The following TLE1 variants were observed in gnomAD, a reference collection of about 807,000 sequenced individuals.
TLE1 encodes the protein TLE family member 1, transcriptional corepressor, also known as transducin-like enhancer protein 1.
A neutral mutation model predicts 89.8 loss-of-function variants in TLE1; 21 were observed. The observed-to-expected ratio is 0.23, with a 90% CI of 0.17 to 0.34. TLE1 has a LOEUF of 0.34. Among genes scored for constraint, TLE1 ranks in the 10% least tolerant of loss-of-function variants. TLE1 has a pLI of 1.00. For missense variants in TLE1, 795 were observed against 1,031.2 expected (o/e 0.77, Z 3.14); for synonymous variants, 447 against 407.6 (o/e 1.10, Z -1.16).
At chr9:81,616,748 T>A (rs751973708) in intron 9 of TLE1, 49 bp from the exon 10 acceptor site, 5 of 1,604,758 alleles carry the variant, frequency 3.1e-6, no homozygotes, top group Non-Finnish European at 4.3e-6. Context: ...AAGAATAGGT[T>A]TGAGGCACAG....
At position 81,653,963 on chromosome 9, in the gene TLE1, A is replaced by G. The variant is rs2796447; in HGVS notation, c.297+11T>C. 340,279 of 1,612,254 alleles carry G rather than the reference A, an allele frequency of 0.21. 41,191 individuals are homozygous for G. The highest frequency in any genetic ancestry group is 0.46 in the East Asian group (20,417 of 44,824). ...ATAATTGCACTTTAACAGCTGAACA[A>G]TTTTACTTACTTCCTGAGACAGAAA... On this transcript the variant is annotated intron_variant, in intron 5 of 19. Coordinates refer to ENST00000376499, the MANE Select transcript of TLE1 (RefSeq NM_005077.5).
At chr9:81,621,616 T>C (rs545408793) in intron 8 of TLE1, among the ~76,000 whole-genome samples, 1 of 152,296 alleles carries the variant, frequency 6.6e-6, no homozygotes, top group South Asian at 2.1e-4. Flanking sequence ...TACCTTTAAG[T>C]TAGACCACAT....
At chr9:81,678,493 A>G (rs1177245308) in intron 4 of TLE1, among the ~76,000 whole-genome samples, 1 of 152,166 alleles carries the variant, frequency 6.6e-6, no homozygotes, top group Non-Finnish European at 1.5e-5. Context: ...CATGAGCCAC[A>G]TGCCTGGCTT....
In TLE1 at chr9:81,618,166, T is replaced by C. The variant is rs537949309; in HGVS notation, c.712-1467A>G. On this transcript the variant is annotated intron_variant, in intron 9 of 19. Transcript: ENST00000376499. ...TAATACATTATACAATGTAGGCATA[T>C]GGAAAAAGCAGGACATCTCAATGGT... is the stretch of plus-strand genomic sequence containing the variant. Among the ~76,000 whole-genome samples, 7 of 152,298 alleles carry C rather than the reference T, an allele frequency of 4.6e-5. No homozygotes were observed. The South Asian group carries it at 1.2e-3, about 27-fold the overall frequency.
intron 4 of TLE1, among the ~76,000 whole-genome samples, chr9:81,672,087 G>GA (rs1190780913): frequency 6.6e-6 from 1 of 152,186 alleles, no homozygotes; most frequent in African/African-American, 2.4e-5. Flanking sequence ...AAGCTAAGCA[G>GA]AAAGAGCCAT....
intron 15 of TLE1, among the ~76,000 whole-genome samples, chr9:81,592,305 C>T (rs1184638474): frequency 6.6e-6 from 1 of 152,228 alleles, no homozygotes; most frequent in Non-Finnish European, 1.5e-5. Flanking sequence ...CTGCAGTGAG[C>T]CGAGATCCGG....
intron 4 of TLE1, among the ~76,000 whole-genome samples, chr9:81,661,765 C>T (rs150783307): frequency 1.9e-3 from 285 of 151,666 alleles, no homozygotes; most frequent in African/African-American, 6.5e-3. Flanking sequence ...ATCCCCCCCC[C>T]AAAAAAAATG....
chr9:81,658,736 G>A (rs773512123), intron 4 of TLE1, among the ~76,000 whole-genome samples: 4 of 152,186 alleles, frequency 2.6e-5, no homozygotes, highest in Non-Finnish European at 4.4e-5. Flanking sequence ...TCTCCAAGAG[G>A]ACTTCATGAA....
In TLE1 at chr9:81,613,536, C is replaced by T. The variant is rs1227785871; in HGVS notation, c.919-15G>A. 6.2e-7 allele frequency: 1 copy of T among 1,613,204 alleles called. No homozygotes were observed. On this transcript the variant is annotated splice_polypyrimidine_tract_variant and intron_variant, in intron 11 of 19. Coordinates refer to ENST00000376499, the MANE Select transcript of TLE1 (RefSeq NM_005077.5). ...GCTTTTTCATGCTGGTGTCATTAAA[C>T]AAATTAAATGAGTATTATTTTTAAT...
At chr9:81,606,199 G>GGAA (rs1236606118) in intron 14 of TLE1, among the ~76,000 whole-genome samples, 1 of 152,192 alleles carries the variant, frequency 6.6e-6, no homozygotes, top group African/African-American at 2.4e-5. Flanking sequence ...CAACCATTGT[G>GGAA]GAAGACAGCA....
chr9:81,660,319 A>C, intron 4 of TLE1, among the ~76,000 whole-genome samples: 1 of 150,410 alleles, frequency 6.6e-6, no homozygotes, highest in South Asian at 2.1e-4. Context: ...ATTACTAAAC[A>C]GTGCTAGACA....
At chr9:81,611,421 C>T (rs1312430572) in intron 13 of TLE1, among the ~76,000 whole-genome samples, 1 of 152,170 alleles carries the variant, frequency 6.6e-6, no homozygotes, top group East Asian at 1.9e-4. Flanking sequence ...CTTCTGTGAA[C>T]CACTCGAATC....
intron 4 of TLE1, among the ~76,000 whole-genome samples, chr9:81,654,317 T>C (rs1293887223): frequency 1.3e-5 from 2 of 152,136 alleles, no homozygotes; most frequent in South Asian, 2.1e-4. Context: ...GATCATTTAA[T>C]ATGGTGACTA....
intron 4 of TLE1, among the ~76,000 whole-genome samples, chr9:81,666,904 G>C (rs1179783819): frequency 6.6e-6 from 1 of 152,186 alleles, no homozygotes; most frequent in Non-Finnish European, 1.5e-5. Context: ...GATCACCGCA[G>C]AGCAGGAGTT....
chr9:81,596,862 T>A (rs1830290904), intron 14 of TLE1, among the ~76,000 whole-genome samples: 1 of 152,212 alleles, frequency 6.6e-6, no homozygotes, highest in African/African-American at 2.4e-5. Flanking sequence ...CTGCCTTTGG[T>A]GAAAAGTCAC....
chr9:81,644,360 A>G (rs920896009), intron 6 of TLE1, among the ~76,000 whole-genome samples: 2 of 152,242 alleles, frequency 1.3e-5, no homozygotes, highest in African/African-American at 4.8e-5. Context: ...CAACTGCAGT[A>G]TATTGATGAA....
chr9:81,657,829 C>A (rs1181693020), intron 4 of TLE1, among the ~76,000 whole-genome samples: 1 of 151,326 alleles, frequency 6.6e-6, no homozygotes, highest in Non-Finnish European at 1.5e-5. Context: ...CAATGTAAAT[C>A]CTAGGTAAAT....
intron 4 of TLE1, among the ~76,000 whole-genome samples, chr9:81,676,089 G>A (rs149557460): frequency 5.9e-5 from 9 of 152,220 alleles, no homozygotes; most frequent in East Asian, 1.9e-4. Flanking sequence ...AGCCAAAATC[G>A]TTGGGCAAAG....
At chr9:81,633,969 C>G in intron 7 of TLE1, 128 bp downstream of exon 7, 1 of 1,093,538 alleles carries the variant, frequency 9.1e-7, no homozygotes, top group Non-Finnish European at 1.3e-6. Flanking sequence ...GAAAGCTTTG[C>G]GACAGTTCCT....
Sources: gnomAD v4.1 joint callset for allele counts (sites outside exome capture counted in the v4.1 genomes callset) on GRCh38, gnomAD v4.1.1 for gene constraint, MANE v1.5 for transcripts, NCBI Gene and HGNC (gene_info 2026-07-23, HGNC 2026-07-21) for gene names.